CDH12: variants seen among roughly 807,000 people sequenced by gnomAD.
CDH12 encodes cadherin-12.
CDH12 carries 41 observed loss-of-function variants against 74.1 expected under a neutral mutation model. The observed-to-expected ratio is 0.55, with a 90% CI of 0.43 to 0.72. The LOEUF (loss-of-function observed/expected upper bound fraction) is 0.72, where lower values mean the gene tolerates loss of function less well. Among genes scored for constraint, CDH12 ranks in the 30% least tolerant of loss-of-function variants. The pLI is 0.00. For missense variants in CDH12, 945 were observed against 977.2 expected, an observed-to-expected ratio of 0.97 and a Z score of 0.44; for synonymous variants, 399 against 355.0, an observed-to-expected ratio of 1.12 and a Z score of -1.39.
At chr5:21,972,467 C>T (rs2547616) in intron 6 of CDH12, among the ~76,000 whole-genome samples, 9 of 151,864 alleles carry the variant, frequency 5.9e-5, no homozygotes, top group African/African-American at 1.9e-4. Flanking sequence ...AGAATTGCCT[C>T]GATTATATGA....
chr5:22,728,796 A>G (rs1318864583), intron 1 of CDH12, among the ~76,000 whole-genome samples: 2 of 151,650 alleles, frequency 1.3e-5, no homozygotes, highest in African/African-American at 2.4e-5. Flanking sequence ...CTCATATTTC[A>G]TCTCATAAGG....
rs1000360900 is a variant in CDH12, at chr5:22,624,873, T to A, written c.-522-119509A>T. Among the ~76,000 whole-genome samples, 56 of 152,164 alleles carry A rather than the reference T, an allele frequency of 3.7e-4. 1 individual carries two copies. The highest frequency in any genetic ancestry group is 6.5e-5 in the Admixed American group (1 of 15,276). ...GACACATGCACACGTATGTTTATTG[T>A]GGCACTATTCACAATAGCAAAGACT... On this transcript the variant is annotated intron_variant, in intron 1 of 14. Transcript: ENST00000382254.
At chr5:22,269,173 T>C (rs1410524407) in intron 3 of CDH12, among the ~76,000 whole-genome samples, 1 of 152,184 alleles carries the variant, frequency 6.6e-6, no homozygotes, top group Non-Finnish European at 1.5e-5. Context: ...AGAATATGTG[T>C]TCAATAGTAT....
chr5:22,579,977 A>G (rs1739999181), intron 1 of CDH12, among the ~76,000 whole-genome samples: 2 of 152,096 alleles, frequency 1.3e-5, no homozygotes, highest in African/African-American at 4.8e-5. Context: ...GCCTTGCTAC[A>G]TGCTCTGGCC....
chr5:22,598,490 T>C (rs753343034), intron 1 of CDH12, among the ~76,000 whole-genome samples: 4 of 152,298 alleles, frequency 2.6e-5, no homozygotes, highest in Admixed American at 6.5e-5. Flanking sequence ...ACAAGTTTCA[T>C]GAGGCCTCCC....
chr5:22,580,286 G>T, intron 1 of CDH12: 1 of 389,134 alleles, frequency 2.6e-6, no homozygotes. Flanking sequence ...GGATGGCAAA[G>T]AGGTCGTCGA....
chr5:22,051,104 C>T (rs1248035144), intron 5 of CDH12, among the ~76,000 whole-genome samples: 1 of 152,078 alleles, frequency 6.6e-6, no homozygotes, highest in Non-Finnish European at 1.5e-5. Context: ...ATAACTTCTG[C>T]TTTAGAGAAA....
intron 3 of CDH12, among the ~76,000 whole-genome samples, chr5:22,235,166 A>G (rs1428842844): frequency 2.0e-5 from 3 of 152,238 alleles, no homozygotes; most frequent in Non-Finnish European, 4.4e-5. Flanking sequence ...CCTCACTTAT[A>G]AATTGTGAAG....
At chr5:22,244,749 AAAGAAAGAAAGAAAG>A (rs1336892922) in intron 3 of CDH12, among the ~76,000 whole-genome samples, 3 of 41,932 alleles carry the variant, frequency 7.2e-5, no homozygotes, top group African/African-American at 1.8e-4. Flanking sequence ...GAAAAGAAAG[AAAGAAAGAAAGAAAG>A]AAAGAAAGAA....
intron 1 of CDH12, among the ~76,000 whole-genome samples, chr5:22,826,214 T>C (rs1304118373): frequency 6.6e-6 from 1 of 152,024 alleles, no homozygotes; most frequent in Non-Finnish European, 1.5e-5. Flanking sequence ...CCTCATGAGA[T>C]CTGATGGTTT....
chr5:22,605,373 G>A (rs1413632716), intron 1 of CDH12, among the ~76,000 whole-genome samples: 1 of 152,110 alleles, frequency 6.6e-6, no homozygotes, highest in Non-Finnish European at 1.5e-5. Flanking sequence ...GAAGCTGAAG[G>A]GCCTTCCATC....
intron 1 of CDH12, among the ~76,000 whole-genome samples, chr5:22,597,790 T>C (rs1736673225): frequency 6.6e-6 from 1 of 152,214 alleles, no homozygotes; most frequent in Non-Finnish European, 1.5e-5. Context: ...TCTTTCATAA[T>C]TAATGTGGAC....
intron 2 of CDH12, among the ~76,000 whole-genome samples, chr5:22,450,372 T>C (rs1744995771): frequency 6.6e-6 from 1 of 151,954 alleles, no homozygotes; most frequent in African/African-American, 2.4e-5. Flanking sequence ...ATCCACCTCC[T>C]TTCTTCTAAA....
intron 7 of CDH12, among the ~76,000 whole-genome samples, chr5:21,851,837 CA>C (rs1467725547): frequency 6.6e-6 from 1 of 151,290 alleles, no homozygotes; most frequent in African/African-American, 2.4e-5. Context: ...AGTGTCAATA[CA>C]GAAATCTTTT....
intron 1 of CDH12, among the ~76,000 whole-genome samples, chr5:22,687,813 T>TA (rs1469001850): frequency 6.6e-6 from 1 of 152,150 alleles, no homozygotes; most frequent in Non-Finnish European, 1.5e-5. Flanking sequence ...TCTATTAACA[T>TA]AAAAAAGATT....
chr5:21,938,748 A>ATATATATCTC (rs1490336535), intron 6 of CDH12, among the ~76,000 whole-genome samples: 1 of 136,604 alleles, frequency 7.3e-6, no homozygotes, highest in South Asian at 2.3e-4. Context: ...ATATATATAT[A>ATATATATCTC]TCTTCTACAT....
intron 5 of CDH12, among the ~76,000 whole-genome samples, chr5:21,986,643 T>C (rs1394873761): frequency 2.0e-5 from 3 of 152,162 alleles, no homozygotes; most frequent in African/African-American, 7.2e-5. Flanking sequence ...GAATCTCTAT[T>C]TTGAATAACA....
intron 1 of CDH12, among the ~76,000 whole-genome samples, chr5:22,540,813 G>A (rs1738067911): frequency 6.6e-6 from 1 of 152,124 alleles, no homozygotes; most frequent in Admixed American, 6.5e-5. Flanking sequence ...TGTCAATTCT[G>A]TAAAGCAAAT....
At chr5:22,036,112 T>C (rs558824301) in intron 5 of CDH12, among the ~76,000 whole-genome samples, 2 of 152,320 alleles carry the variant, frequency 1.3e-5, no homozygotes, top group South Asian at 4.1e-4. Context: ...ATTGCTGCAC[T>C]GAACTAATAA....
Sources: allele counts gnomAD v4.1 joint callset (sites outside exome capture counted in the v4.1 genomes callset), GRCh38; gene constraint gnomAD v4.1.1; transcripts MANE v1.5; gene names NCBI Gene and HGNC (gene_info 2026-07-23, HGNC 2026-07-21).